The following FMN2 variants were observed in gnomAD, a reference collection of about 807,000 sequenced individuals.
FMN2 encodes the protein formin-2.
A neutral mutation model predicts 142.3 loss-of-function variants in FMN2; 51 were observed. The ratio of observed to expected loss-of-function variants is 0.36; its 90% CI spans 0.29 to 0.45. FMN2 has a LOEUF of 0.45. Among genes scored for constraint, FMN2 ranks in the 20% least tolerant of loss-of-function variants. The pLI, the probability that FMN2 is intolerant of heterozygous loss-of-function variation, is 1.00. For missense variants in FMN2, 1,936 were observed against 2,122.8 expected, an observed-to-expected ratio of 0.91 and a Z score of 1.73; for synonymous variants, 882 against 869.8, an observed-to-expected ratio of 1.01 and a Z score of -0.25.
At chr1:240,296,193 CTTTT>C (rs59482806) in intron 8 of FMN2, among the ~76,000 whole-genome samples, 1 of 121,110 alleles carries the variant, frequency 8.3e-6, no homozygotes, top group Non-Finnish European at 1.7e-5. Context: ...TTATGTAGTA[CTTTT>C]TTTTTTTTTT....
At chr1:240,443,450 A>G (rs1675693517) in intron 16 of FMN2, among the ~76,000 whole-genome samples, 1 of 152,246 alleles carries the variant, frequency 6.6e-6, no homozygotes. Flanking sequence ...TAGGCCAGGC[A>G]TGGTGGCTCA....
At chr1:240,340,786 T>G (rs2103028450) in intron 13 of FMN2, among the ~76,000 whole-genome samples, 1 of 152,328 alleles carries the variant, frequency 6.6e-6, no homozygotes, top group Non-Finnish European at 1.5e-5. Context: ...TTATTCATTT[T>G]TGGCTTTCCT....
intron 7 of FMN2, among the ~76,000 whole-genome samples, chr1:240,269,504 T>C (rs1369793427): frequency 6.6e-6 from 1 of 152,110 alleles, no homozygotes; most frequent in Admixed American, 6.6e-5. Context: ...TCCTTTTTGA[T>C]CAAGATTACT....
intron 15 of FMN2, among the ~76,000 whole-genome samples, chr1:240,428,382 C>T (rs535583179): frequency 3.6e-4 from 54 of 152,060 alleles, no homozygotes; most frequent in African/African-American, 1.3e-3. Flanking sequence ...TGCACACCAC[C>T]ACACCTGGCA....
rs565594173 is a variant in FMN2, at chr1:240,305,850, TG to T, written c.4215+10968del. Among the ~76,000 whole-genome samples, 304 of 152,312 alleles carry T rather than the reference TG, an allele frequency of 2.0e-3. 4 individuals are homozygous for T. The highest frequency in any genetic ancestry group is 0.016 in the Admixed American group (250 of 15,294). ...TTACATGAAAAGGTCATCTTAGTAGTGTAGCATCATTATTGTAATAGGATAT... is the reference window on the plus strand; with the variant it reads ...TTACATGAAAAGGTCATCTTAGTAGTTAGCATCATTATTGTAATAGGATAT... On this transcript the variant is annotated intron_variant, in intron 8 of 17. Coordinates refer to ENST00000319653, the MANE Select transcript of FMN2 (RefSeq NM_020066.5).
At chr1:240,363,179 T>C (rs1206230365) in intron 14 of FMN2, among the ~76,000 whole-genome samples, 1 of 152,182 alleles carries the variant, frequency 6.6e-6, no homozygotes, top group Non-Finnish European at 1.5e-5. Context: ...TTATGCAGGG[T>C]GAGCATGTTT....
At chr1:240,228,840 CT>C (rs1397360199) in intron 6 of FMN2, among the ~76,000 whole-genome samples, 5 of 151,962 alleles carry the variant, frequency 3.3e-5, no homozygotes, top group African/African-American at 1.2e-4. Flanking sequence ...CTGTTTTTAA[CT>C]TAAAGCATAA....
In FMN2 at chr1:240,333,867, A is replaced by C; in HGVS notation, c.4585-20A>C. The C allele has an allele frequency of 6.3e-7, 1 of 1,574,934 alleles. No individual in the cohort carries two copies. ...TTAGTTAAAAAATATATTGTCACTG[A>C]CTTTGGTCTTTCTGCCTAGGACAAT... is the stretch of plus-strand genomic sequence containing the variant. On this transcript the variant is annotated intron_variant, in intron 11 of 17. Coordinates refer to ENST00000319653, the MANE Select transcript of FMN2 (RefSeq NM_020066.5).
At chr1:240,285,245 C>T (rs1363061335) in intron 7 of FMN2, 4 of 454,846 alleles carry the variant, frequency 8.8e-6, no homozygotes, top group Admixed American at 2.4e-5. Context: ...GAAGCCAACA[C>T]GATTCATGAT....
At chr1:240,198,211 TAGAA>T (rs1665988304) in intron 4 of FMN2, among the ~76,000 whole-genome samples, 2 of 152,212 alleles carry the variant, frequency 1.3e-5, no homozygotes. Context: ...CTCAAATAAG[TAGAA>T]AGAAACTTCT....
chr1:240,216,711 A>C (rs1338222287), intron 6 of FMN2, among the ~76,000 whole-genome samples: 1 of 152,180 alleles, frequency 6.6e-6, no homozygotes, highest in Non-Finnish European at 1.5e-5. Flanking sequence ...AATCCCTAAA[A>C]AAGACTTTTT....
At chr1:240,387,509 G>C (rs1673446496) in intron 14 of FMN2, among the ~76,000 whole-genome samples, 1 of 152,158 alleles carries the variant, frequency 6.6e-6, no homozygotes, top group Non-Finnish European at 1.5e-5. Flanking sequence ...TAGCCTCTGT[G>C]TTTATCCTGT....
intron 11 of FMN2, 105 bp downstream of exon 11, chr1:240,330,854 G>A (rs1348271992): frequency 5.2e-6 from 7 of 1,344,050 alleles, no homozygotes; most frequent in Admixed American, 2.6e-5. Flanking sequence ...ATGTTCCTAG[G>A]TCAAATGCTT....
chr1:240,201,521 T>C (rs551467251), intron 4 of FMN2, among the ~76,000 whole-genome samples: 26 of 152,248 alleles, frequency 1.7e-4, no homozygotes, highest in African/African-American at 6.3e-4. Context: ...TTTGGGGAAA[T>C]TAATGAGGTT....
intron 6 of FMN2, among the ~76,000 whole-genome samples, chr1:240,230,831 C>G (rs1448225383): frequency 7.6e-6 from 1 of 131,130 alleles, no homozygotes; most frequent in Non-Finnish European, 1.6e-5. Context: ...TTTTCTAGTG[C>G]CAACAAAAGA....
At chr1:240,265,307 AAC>A (rs572625494) in intron 7 of FMN2, among the ~76,000 whole-genome samples, 118 of 152,256 alleles carry the variant, frequency 7.8e-4, no homozygotes, top group African/African-American at 2.8e-3. Flanking sequence ...CAAAATTATT[AAC>A]AGAGTTCCTT....
chr1:240,466,450 A>G (rs1676622068), intron 16 of FMN2, among the ~76,000 whole-genome samples: 1 of 152,206 alleles, frequency 6.6e-6, no homozygotes, highest in African/African-American at 2.4e-5. Context: ...TTTTAAAGGT[A>G]AATTTGAACT....
intron 8 of FMN2, among the ~76,000 whole-genome samples, chr1:240,304,034 A>C (rs1424605816): frequency 1.3e-5 from 2 of 151,722 alleles, no homozygotes; most frequent in East Asian, 3.9e-4. Flanking sequence ...ATTTATTTTC[A>C]GGTTTTCTAT....
At chr1:240,406,128 C>G (rs1674178907) in intron 15 of FMN2, among the ~76,000 whole-genome samples, 1 of 76,254 alleles carries the variant, frequency 1.3e-5, no homozygotes, top group Non-Finnish European at 2.4e-5. Context: ...GGGAATCAGC[C>G]TCGGGAGTGG....
Sources: allele counts gnomAD v4.1 joint callset (sites outside exome capture counted in the v4.1 genomes callset), GRCh38; gene constraint gnomAD v4.1.1; transcripts MANE v1.5; gene names NCBI Gene and HGNC (gene_info 2026-07-23, HGNC 2026-07-21).